Variants in XXYLT1 observed in about 807,000 individuals in gnomAD.
XXYLT1 encodes the protein xyloside xylosyltransferase 1.
A neutral mutation model predicts 28.9 loss-of-function variants in XXYLT1; 20 were observed. The observed-to-expected ratio is 0.69, with a 90% CI of 0.49 to 1.00. The LOEUF (loss-of-function observed/expected upper bound fraction) is 1.00. Ranked by LOEUF, XXYLT1 falls within the 50% of genes least tolerant of loss-of-function variation. The pLI is 0.00. For missense variants in XXYLT1, 542 were observed against 560.1 expected (o/e 0.97, Z 0.33); for synonymous variants, 257 against 253.8 (o/e 1.01, Z -0.12).
At chr3:195,205,102 C>T (rs966477552) in intron 2 of XXYLT1, among the ~76,000 whole-genome samples, 2 of 152,200 alleles carry the variant, frequency 1.3e-5, no homozygotes, top group East Asian at 1.9e-4. Flanking sequence ...TCTGGCAAAT[C>T]GCCAAACTCT....
chr3:195,219,988 C>T (rs1239477259), intron 2 of XXYLT1, among the ~76,000 whole-genome samples: 4 of 152,152 alleles, frequency 2.6e-5, no homozygotes, highest in Non-Finnish European at 5.9e-5. Context: ...TTATCCACTC[C>T]CATAGATCTC....
At position 195,097,822 on chromosome 3, in the gene XXYLT1, C is replaced by G. The variant is rs187400141; in HGVS notation, c.786-27711G>C. On this transcript the variant is annotated intron_variant, in intron 3 of 3. Transcript: ENST00000310380. ...ACCCTCACACAAATGCCCCCACCCC[C>G]CCACCACGCACACACAAAGAAGTCA... is the stretch of plus-strand genomic sequence containing the variant. Among the ~76,000 whole-genome samples, 88 of 152,268 alleles carry G rather than the reference C, an allele frequency of 5.8e-4. 2 individuals carry two copies. The highest frequency in any genetic ancestry group is 2.0e-3 in the African/African-American group (85 of 41,522).
Position 195,109,879 on chromosome 3 carries a change from ATG to A in XXYLT1, c.786-39770_786-39769del, listed in dbSNP as rs1282676212. Among the ~76,000 whole-genome samples the A allele has an allele frequency of 1.5e-4, 5 of 33,532 alleles. 2 individuals are homozygous for A. Among genetic ancestry groups the A allele is most frequent in the Non-Finnish European group, 3.7e-4 (5 of 13,592 alleles). The allele number at this position is 33,532 out of a possible 152,430, so 22.0% of individuals were successfully genotyped here. A position where few individuals can be genotyped will look rare whatever the true frequency, so the allele number is the denominator to read the frequency against. ...GCCTGTGTGTGTGGTGTATGTGTGC[ATG>A]TGTGTGGGTGAGGTGTGGGTGTGTG... On this transcript the variant is annotated intron_variant, in intron 3 of 3. Coordinates refer to ENST00000310380, the MANE Select transcript of XXYLT1 (RefSeq NM_152531.5).
At chr3:195,187,483 T>G (rs914821557) in intron 2 of XXYLT1, among the ~76,000 whole-genome samples, 1 of 152,230 alleles carries the variant, frequency 6.6e-6, no homozygotes, top group Admixed American at 6.5e-5. Context: ...CCAATTTATC[T>G]GTATAGTGCT....
intron 2 of XXYLT1, among the ~76,000 whole-genome samples, chr3:195,161,422 C>G: frequency 6.6e-6 from 1 of 152,048 alleles, no homozygotes; most frequent in Admixed American, 6.6e-5. Context: ...AGCAGACGAC[C>G]CCAGATCATC....
chr3:195,256,636 T>C lies in XXYLT1; in HGVS notation c.504+13919A>G, dbSNP rs1725488830. 2.1e-6 allele frequency: 2 copies of C among 938,808 alleles called. No homozygotes were observed. The highest frequency in any genetic ancestry group is 9.8e-5 in the South Asian group (2 of 20,364). The allele number at this position is 938,808 out of a possible 1,614,324, so 58.2% of individuals were successfully genotyped here. A position where few individuals can be genotyped will look rare whatever the true frequency, so the allele number is the denominator to read the frequency against. Reference sequence around the variant, plus strand: ...CTCTGTAAGCCCCCAGCACTGTTTATACACGCCTGGAAGAGAACAGACTGT... The same window carrying C: ...CTCTGTAAGCCCCCAGCACTGTTTACACACGCCTGGAAGAGAACAGACTGT... On this transcript the variant is annotated intron_variant, in intron 1 of 3. Coordinates refer to ENST00000310380, the MANE Select transcript of XXYLT1 (RefSeq NM_152531.5). The surrounding 1 kb of genome is among the most constrained non-coding windows in gnomAD (Gnocchi z 4.2).
At chr3:195,227,820 T>C (rs1724120597) in intron 1 of XXYLT1, among the ~76,000 whole-genome samples, 1 of 152,136 alleles carries the variant, frequency 6.6e-6, no homozygotes, top group Non-Finnish European at 1.5e-5. Flanking sequence ...AGACATCAGC[T>C]CAACCCGCGA....
chr3:195,148,502 G>A (rs956268867), intron 3 of XXYLT1, among the ~76,000 whole-genome samples: 7 of 152,064 alleles, frequency 4.6e-5, no homozygotes, highest in Non-Finnish European at 1.0e-4. Flanking sequence ...AGGTGTCAGA[G>A]AGACGAAAAG....
intron 1 of XXYLT1, among the ~76,000 whole-genome samples, chr3:195,242,554 G>C (rs952650181): frequency 3.3e-5 from 5 of 152,142 alleles, no homozygotes; most frequent in African/African-American, 9.7e-5. Flanking sequence ...AGAAAGAAGG[G>C]AACAGCTCAC....
intron 3 of XXYLT1, among the ~76,000 whole-genome samples, chr3:195,121,351 C>A (rs1192445038): frequency 1.3e-5 from 2 of 152,206 alleles, no homozygotes; most frequent in East Asian, 1.9e-4. Flanking sequence ...GTACAGAAAG[C>A]CTTGGGTTGG....
rs138766681 is a variant in XXYLT1 at position 195,210,086 on chromosome 3, C to CA, written c.652+16622_652+16623insT. 0.072 allele frequency among the ~76,000 whole-genome samples: 10,991 copies of CA among 152,196 alleles called. 1,303 individuals are homozygous for CA. The highest frequency in any genetic ancestry group is 0.25 in the African/African-American group (10,208 of 41,472). On this transcript the variant is annotated intron_variant, in intron 2 of 3. Coordinates refer to ENST00000310380, the MANE Select transcript of XXYLT1 (RefSeq NM_152531.5). The surrounding 1 kb of genome is among the most constrained non-coding windows in gnomAD (Gnocchi z 4.8). ...AGTCCAGGCTGAGGCCCCGGCCGCCCGCACACCCTGGCCCAGAATGCCTGC... is the reference window on the plus strand; with the variant it reads ...AGTCCAGGCTGAGGCCCCGGCCGCCCAGCACACCCTGGCCCAGAATGCCTGC...
rs1392679856 is a variant in XXYLT1 at position 195,103,702 on chromosome 3, G to C, written c.786-33591C>G. On this transcript the variant is annotated intron_variant, in intron 3 of 3. Coordinates refer to ENST00000310380, the MANE Select transcript of XXYLT1 (RefSeq NM_152531.5). ...AGAATCCATCAAGGGGAAGTCACTG[G>C]GCAAGAGGAATGAAATTCAGGCCCT... 2.0e-5 allele frequency among the ~76,000 whole-genome samples: 3 copies of C among 152,310 alleles called. No homozygotes were observed. In the East Asian group the frequency reaches 5.8e-4, roughly 29 times the overall value.
intron 3 of XXYLT1, among the ~76,000 whole-genome samples, chr3:195,118,821 T>C (rs1306977148): frequency 6.6e-6 from 1 of 152,202 alleles, no homozygotes. Flanking sequence ...TGTTTCAGAA[T>C]TCCCGAAGGA....
chr3:195,096,678 G>A lies in XXYLT1; in HGVS notation c.786-26567C>T, dbSNP rs142638321. ...CCTCCTCAGGCCTTCTCAGTGCCCTGGTAATATTTACACAGTTATTTAACA... is the reference window on the plus strand; with the variant it reads ...CCTCCTCAGGCCTTCTCAGTGCCCTAGTAATATTTACACAGTTATTTAACA... On this transcript the variant is annotated intron_variant, in intron 3 of 3. Transcript: ENST00000310380. 9.9e-5 allele frequency among the ~76,000 whole-genome samples: 15 copies of A among 152,238 alleles called. No individual in the cohort carries two copies. The East Asian group carries it at 1.9e-3, about 20-fold the overall frequency.
At chr3:195,212,720 G>C (rs1276978234) in intron 2 of XXYLT1, among the ~76,000 whole-genome samples, 1 of 152,148 alleles carries the variant, frequency 6.6e-6, no homozygotes, top group Non-Finnish European at 1.5e-5. Context: ...AGGTGGAACC[G>C]TTTCATCCCA....
chr3:195,218,434 C>G (rs1489933023), intron 2 of XXYLT1, among the ~76,000 whole-genome samples: 1 of 151,992 alleles, frequency 6.6e-6, no homozygotes, highest in Non-Finnish European at 1.5e-5. Context: ...GGGCTAATAT[C>G]CAGAATCTAC....
chr3:195,203,085 A>T (rs1051442764), intron 2 of XXYLT1, among the ~76,000 whole-genome samples: 21 of 152,188 alleles, frequency 1.4e-4, no homozygotes, highest in Non-Finnish European at 1.0e-4. Flanking sequence ...CTGGCATTAC[A>T]GGTGTGAGCC....
At chr3:195,142,905 G>A (rs1303752856) in intron 3 of XXYLT1, among the ~76,000 whole-genome samples, 1 of 151,890 alleles carries the variant, frequency 6.6e-6, no homozygotes, top group Non-Finnish European at 1.5e-5. Context: ...TTCCTCCCTG[G>A]CCAGGCCTTC....
At chr3:195,148,359 G>C (rs1182134991) in intron 3 of XXYLT1, among the ~76,000 whole-genome samples, 1 of 152,130 alleles carries the variant, frequency 6.6e-6, no homozygotes, top group Non-Finnish European at 1.5e-5. Context: ...GGGAGTGAAG[G>C]AATCACTATT....
Sources: allele counts gnomAD v4.1 joint callset (sites outside exome capture counted in the v4.1 genomes callset), GRCh38; gene constraint gnomAD v4.1.1; non-coding constraint Gnocchi (gnomAD v3.1); transcripts MANE v1.5; gene names NCBI Gene and HGNC (gene_info 2026-07-23, HGNC 2026-07-21).